Variants in ADAMTS9 observed in about 807,000 individuals in gnomAD.
ADAMTS9 encodes ADAM metallopeptidase with thrombospondin type 1 motif 9.
A neutral mutation model predicts 257.1 loss-of-function variants in ADAMTS9; 107 were observed. The ratio of observed to expected loss-of-function variants is 0.42; its 90% CI spans 0.36 to 0.49. The LOEUF is 0.49. Ranked by LOEUF, ADAMTS9 falls within the 20% of genes least tolerant of loss-of-function variation. ADAMTS9 has a pLI of 0.03. For synonymous variants in ADAMTS9, 982 were observed against 880.9 expected, an observed-to-expected ratio of 1.11 and a Z score of -2.03; for missense variants, 2,353 against 2,469.1, an observed-to-expected ratio of 0.95 and a Z score of 1.00.
chr3:64,617,081 G>A (rs910899268), intron 19 of ADAMTS9, among the ~76,000 whole-genome samples: 3 of 152,094 alleles, frequency 2.0e-5, no homozygotes, highest in Admixed American at 1.3e-4. Context: ...CCATATTTGG[G>A]GGATTTTGTT....
chr3:64,655,284 G>A (rs1701037388), intron 6 of ADAMTS9, among the ~76,000 whole-genome samples: 1 of 152,128 alleles, frequency 6.6e-6, no homozygotes, highest in Non-Finnish European at 1.5e-5. Flanking sequence ...CTATAGGTTC[G>A]TGGTTCTCAA....
In ADAMTS9 at chr3:64,681,340, A is replaced by G. The variant is rs773992016; in HGVS notation, c.540T>C (p.Asp180=). ...GTAGTGGTTCAATAAAATAATCCCC[A>G]TCATGAGACCGGAATGTGCCCAGCT... ...SGMLGTFRSH[D]GDYFIEPLQS... is the part of the protein sequence containing the mutation. Residue 180 remains aspartate (D), a synonymous_variant, in exon 3 of 40, where the codon GAT becomes GAC. Coordinates refer to ENST00000498707, the MANE Select transcript of ADAMTS9 (RefSeq NM_182920.2). 3 of 1,613,026 alleles carry G rather than the reference A, an allele frequency of 1.9e-6. No individual in the cohort carries two copies. The highest frequency in any genetic ancestry group is 4.5e-5 in the East Asian group (2 of 44,774).
chr3:64,580,107 AATGT>A (rs759701478), intron 28 of ADAMTS9, among the ~76,000 whole-genome samples: 4 of 151,646 alleles, frequency 2.6e-5, no homozygotes, highest in Non-Finnish European at 4.4e-5. Flanking sequence ...TGGGTGCAAA[AATGT>A]ATGTGTGTGT....
At chr3:64,617,562 C>A (rs887954385) in intron 19 of ADAMTS9, among the ~76,000 whole-genome samples, 16 of 151,918 alleles carry the variant, frequency 1.1e-4, no homozygotes, top group Non-Finnish European at 1.9e-4. Flanking sequence ...ACATAAAATA[C>A]AATTGTATTT....
chr3:64,588,562 A>G (rs762724004), intron 28 of ADAMTS9: 2 of 151,086 alleles, frequency 1.3e-5, no homozygotes, highest in Non-Finnish European at 2.9e-5. Flanking sequence ...CTCAACCTCT[A>G]CCTCCCACTC....
chr3:64,608,389 C>G (rs1259800821), intron 22 of ADAMTS9, among the ~76,000 whole-genome samples: 2 of 149,586 alleles, frequency 1.3e-5, no homozygotes, highest in Admixed American at 6.6e-5. Flanking sequence ...AAAAGATCAA[C>G]AAAATTGATA....
At chr3:64,594,120 G>A in intron 28 of ADAMTS9, 138 bp downstream of exon 28, 1 of 906,044 alleles carries the variant, frequency 1.1e-6, no homozygotes, top group South Asian at 2.1e-5. Context: ...TGCCAATATG[G>A]AGAAAATAAT....
chr3:64,561,770 TA>T lies in ADAMTS9; in HGVS notation c.4525-20del, dbSNP rs1333540416. 6.8e-7 allele frequency: 1 copy of T among 1,479,496 alleles called. No homozygotes were observed. The highest frequency in any genetic ancestry group is 9.1e-7 in the Non-Finnish European group (1 of 1,104,220). 91.6% of individuals were successfully genotyped at this position (1,479,496 alleles called of 1,614,324 possible). On this transcript the variant is annotated intron_variant, in intron 29 of 39. Coordinates refer to ENST00000498707, the MANE Select transcript of ADAMTS9 (RefSeq NM_182920.2). ...CAGAGCACTAAGAAGACAGAGAACG[TA>T]AGTGGGAGCTTCGGCTCATTTATTT...
chr3:64,549,651 C>T (rs1286487439), intron 31 of ADAMTS9, among the ~76,000 whole-genome samples: 1 of 152,042 alleles, frequency 6.6e-6, no homozygotes, highest in Non-Finnish European at 1.5e-5. Context: ...GCACCACTGA[C>T]ATTTGGGCCA....
chr3:64,626,164 A>G (rs1700216147), intron 16 of ADAMTS9, among the ~76,000 whole-genome samples: 2 of 152,332 alleles, frequency 1.3e-5, no homozygotes, highest in Middle Eastern at 3.4e-3. Context: ...GCAGATCAAA[A>G]TGCCTTTGTA....
rs1439042808 is a variant in ADAMTS9 at position 64,561,685 on chromosome 3, T to C, written c.4591A>G (p.Ile1531Val). The C allele has an allele frequency of 6.2e-7, 1 of 1,614,052 alleles. No homozygotes were observed. Among genetic ancestry groups the C allele is most frequent in the Non-Finnish European group, 8.5e-7 (1 of 1,179,996 alleles). ...HVGCQIGTHKIARETECNPYT... is the reference protein window; with the variant it reads ...HVGCQIGTHKVARETECNPYT... ...GGGTTGCACTCGGTCTCTCTGGCTA[T>C]TTTGTGTGTTCCGATCTGACAGCCC... The change falls in exon 30 of 40, where the codon ATA (isoleucine) becomes GTA (valine). Residue 1531 changes from isoleucine to valine, a missense_variant. Ile to Val is a conservative substitution (Grantham distance 29). This residue lies in a region of ADAMTS9 where 1,402 missense variants were observed against 1,441.4 expected (regional missense o/e 0.97). Transcript: ENST00000498707.
chr3:64,670,979 G>A (rs1489861432), intron 3 of ADAMTS9, among the ~76,000 whole-genome samples: 1 of 152,142 alleles, frequency 6.6e-6, no homozygotes, highest in Non-Finnish European at 1.5e-5. Flanking sequence ...AAAATATATT[G>A]GCAGTTTCTA....
rs928567492 is a variant in ADAMTS9, at chr3:64,549,210, T to G, written c.4869+1682A>C. 7.2e-5 allele frequency among the ~76,000 whole-genome samples: 11 copies of G among 152,188 alleles called. 1 individual carries two copies. The highest frequency in any genetic ancestry group is 1.5e-5 in the Non-Finnish European group (1 of 68,032). The stretch of plus-strand genomic sequence containing the variant: ...GTTGTTGCCCATAAATTTGCAGACT[T>G]TTCAATTCATGATACACCTGCAAAT... On this transcript the variant is annotated intron_variant, in intron 31 of 39. Transcript: ENST00000498707.
chr3:64,650,902 T>G, intron 9 of ADAMTS9, 115 bp downstream of exon 9: 1 of 1,049,808 alleles, frequency 9.5e-7, no homozygotes. Context: ...CCAAGGAATG[T>G]CAACAAAAAT....
chr3:64,557,016 G>T (rs1439926305), intron 30 of ADAMTS9, among the ~76,000 whole-genome samples: 1 of 152,156 alleles, frequency 6.6e-6, no homozygotes, highest in Non-Finnish European at 1.5e-5. Context: ...AGAATTCCAG[G>T]TGTTAACTGC....
intron 30 of ADAMTS9, among the ~76,000 whole-genome samples, chr3:64,558,916 G>A (rs2083378546): frequency 1.3e-5 from 2 of 152,144 alleles, no homozygotes; most frequent in Non-Finnish European, 2.9e-5. Context: ...CTAGGTGTGG[G>A]AGAAAAGTGG....
chr3:64,583,700 C>T (rs2084063901), intron 28 of ADAMTS9: 1 of 152,152 alleles, frequency 6.6e-6, no homozygotes, highest in African/African-American at 2.4e-5. Context: ...TTGAATTATA[C>T]TAAGGTTCTC....
chr3:64,552,292 C>A (rs1259616979), intron 30 of ADAMTS9, among the ~76,000 whole-genome samples: 1 of 152,114 alleles, frequency 6.6e-6, no homozygotes, highest in Non-Finnish European at 1.5e-5. Context: ...TCCACAGATT[C>A]TTATTTGTTT....
intron 12 of ADAMTS9, among the ~76,000 whole-genome samples, chr3:64,638,760 A>G (rs1052378473): frequency 6.6e-6 from 1 of 152,192 alleles, no homozygotes; most frequent in Non-Finnish European, 1.5e-5. Context: ...CGGCAAGGCT[A>G]CTTATCTTTT....
Sources: allele counts gnomAD v4.1 joint callset (sites outside exome capture counted in the v4.1 genomes callset), GRCh38; gene constraint gnomAD v4.1.1; regional missense constraint gnomAD v4.1.1; transcripts MANE v1.5; gene names NCBI Gene and HGNC (gene_info 2026-07-23, HGNC 2026-07-21).